Variants in SHANK2 observed in about 807,000 individuals in gnomAD.
SHANK2 encodes SH3 and multiple ankyrin repeat domains protein 2.
SHANK2 carries 43 observed loss-of-function variants against 133.7 expected under a neutral mutation model. The ratio of observed to expected loss-of-function variants is 0.32; its 90% CI spans 0.25 to 0.41. SHANK2 has a LOEUF of 0.41. Among genes scored for constraint, SHANK2 ranks in the 10% least tolerant of loss-of-function variants. SHANK2 has a pLI of 1.00. For synonymous variants in SHANK2, 1,017 were observed against 952.8 expected (o/e 1.07, Z -1.24); for missense variants, 1,994 against 2,235.8 (o/e 0.89, Z 2.18).
rs576396181 is a variant in SHANK2 at position 70,820,450 on chromosome 11, G to A, written c.1407C>T (p.Pro469=). The A allele has an allele frequency of 8.4e-5, 60 of 713,906 alleles. No individual in the cohort carries two copies. The highest frequency in any genetic ancestry group is 2.3e-4 in the Middle Eastern group (1 of 4,360). 44.2% of individuals were successfully genotyped at this position (713,906 alleles called of 1,614,324 possible). ...GCGATGGGGACCGGCTGCGGGGCCC[G>A]GGCACGTAGCTCCCAATGGTCTTCG... ...GAAKTIGSYV[P]GPRSRSPSLN... is the part of the protein sequence containing the mutation. The change falls in exon 12 of 26, where the codon CCC becomes CCT. Residue 469 remains proline (P), a synonymous_variant. Coordinates refer to ENST00000601538, the MANE Select transcript of SHANK2 (RefSeq NM_012309.5).
chr11:70,851,882 G>A (rs372627648), intron 11 of SHANK2, among the ~76,000 whole-genome samples: 164 of 152,256 alleles, frequency 1.1e-3, no homozygotes, highest in African/African-American at 3.4e-3. Context: ...AGAGCCTCCC[G>A]GCCCCCAGGC....
intron 2 of SHANK2, among the ~76,000 whole-genome samples, chr11:71,195,977 T>G (rs1555116137): frequency 6.6e-6 from 1 of 151,982 alleles, no homozygotes. Flanking sequence ...GGCCTAGGAG[T>G]TCGGGACCAG....
At chr11:71,124,287 T>C (rs1311401736) in intron 3 of SHANK2, among the ~76,000 whole-genome samples, 4 of 45,338 alleles carry the variant, frequency 8.8e-5, no homozygotes, top group African/African-American at 2.6e-4. Context: ...GTGATGATGA[T>C]GGTGATGGTG....
intron 3 of SHANK2, among the ~76,000 whole-genome samples, chr11:71,124,495 C>T (rs529169212): frequency 1.3e-5 from 2 of 151,820 alleles, no homozygotes; most frequent in South Asian, 4.2e-4. Flanking sequence ...TCACCTTCAC[C>T]ACAACCCTAA....
chr11:71,115,303 T>C (rs1951957758), intron 4 of SHANK2, among the ~76,000 whole-genome samples: 2 of 152,124 alleles, frequency 1.3e-5, no homozygotes, highest in South Asian at 4.2e-4. Context: ...AACCCATCTC[T>C]ACTAAAAATG....
At chr11:70,491,743 G>C (rs2058889464) in intron 22 of SHANK2, among the ~76,000 whole-genome samples, 1 of 152,226 alleles carries the variant, frequency 6.6e-6, no homozygotes, top group Admixed American at 6.5e-5. Context: ...GGACGTGCCT[G>C]GGGGAATCAG....
chr11:70,899,254 C>T lies in SHANK2; in HGVS notation c.1108-2687G>A, dbSNP rs12802615. Among the ~76,000 whole-genome samples, 327 of 152,214 alleles carry T rather than the reference C, an allele frequency of 2.1e-3. 2 individuals carry two copies. Among genetic ancestry groups the T allele is most frequent in the Middle Eastern group, 6.8e-3 (2 of 294 alleles). ...GGGGGTGGTTTCCCCGTGCTGTTCT[C>T]GTGATAGTGAGTGAGTTCTCATGAG... On this transcript the variant is annotated intron_variant, in intron 10 of 25. Coordinates refer to ENST00000601538, the MANE Select transcript of SHANK2 (RefSeq NM_012309.5).
chr11:71,231,602 T>TA (rs1555122957), intron 1 of SHANK2, among the ~76,000 whole-genome samples: 1 of 152,210 alleles, frequency 6.6e-6, no homozygotes, highest in African/African-American at 2.4e-5. Context: ...GACTTATGTT[T>TA]ACGGGCCAGG....
Position 70,487,841 on chromosome 11 carries a change from A to C in SHANK2, c.2573-121T>G, listed in dbSNP as rs1555154747. The C allele has an allele frequency of 3.9e-6, 6 of 1,537,048 alleles. No homozygotes were observed. Among genetic ancestry groups the C allele is most frequent in the Non-Finnish European group, 5.3e-6 (6 of 1,139,308 alleles). ...AATTCAGATGATGAACCGGATGTTC[A>C]GGAAACACAGCACAAGCCACGATGC... is the stretch of plus-strand genomic sequence containing the variant. On this transcript the variant is annotated intron_variant, in intron 24 of 25. Transcript: ENST00000601538. This position sits in a 1 kb window ranked among gnomAD's most constrained non-coding sequence, Gnocchi z 5.8.
chr11:71,226,670 C>T (rs1954649608), intron 1 of SHANK2: 1 of 151,864 alleles, frequency 6.6e-6, no homozygotes, highest in African/African-American at 2.4e-5. Context: ...CAAAAATATC[C>T]TGTAAGAATG....
intron 17 of SHANK2, among the ~76,000 whole-genome samples, chr11:70,602,662 A>G (rs1455851625): frequency 1.3e-5 from 2 of 152,196 alleles, no homozygotes; most frequent in African/African-American, 4.8e-5. Context: ...CATTTATCCC[A>G]CTGAATAGTT....
At chr11:70,812,679 C>T (rs1948304073) in intron 12 of SHANK2, among the ~76,000 whole-genome samples, 1 of 152,240 alleles carries the variant, frequency 6.6e-6, no homozygotes, top group Non-Finnish European at 1.5e-5. Flanking sequence ...CAGACCTCTG[C>T]AGCCCAGGGA....
chr11:71,193,700 G>C (rs1953840314), intron 2 of SHANK2, among the ~76,000 whole-genome samples: 1 of 152,188 alleles, frequency 6.6e-6, no homozygotes, highest in Non-Finnish European at 1.5e-5. Flanking sequence ...AAAGTGCACA[G>C]ACCAGGCACC....
Position 71,154,552 on chromosome 11 carries a change from CA to C in SHANK2, c.-12-7215del, listed in dbSNP as rs540555563. On this transcript the variant is annotated intron_variant, in intron 2 of 25. Coordinates refer to ENST00000601538, the MANE Select transcript of SHANK2 (RefSeq NM_012309.5). ...CATCAGCTGAGAAGGAGCTAGAACA[CA>C]ACACATGGGGGCCCTGGCCAAGGGG... 1.3e-3 allele frequency among the ~76,000 whole-genome samples: 200 copies of C among 152,340 alleles called. 1 individual carries two copies. The highest frequency in any genetic ancestry group is 4.6e-3 in the African/African-American group (191 of 41,574).
At chr11:70,571,047 C>T (rs1253459405) in intron 17 of SHANK2, among the ~76,000 whole-genome samples, 2 of 152,186 alleles carry the variant, frequency 1.3e-5, no homozygotes, top group Non-Finnish European at 2.9e-5. Flanking sequence ...CAGAAAACCA[C>T]AGCAGCTGGG....
At chr11:70,731,403 TC>T (rs1310751646) in intron 14 of SHANK2, among the ~76,000 whole-genome samples, 1 of 152,192 alleles carries the variant, frequency 6.6e-6, no homozygotes, top group African/African-American at 2.4e-5. Flanking sequence ...ACTGACATAC[TC>T]CCCGCTCCTT....
At chr11:71,069,546 T>C (rs1056038791) in intron 9 of SHANK2, among the ~76,000 whole-genome samples, 8 of 152,216 alleles carry the variant, frequency 5.3e-5, no homozygotes, top group Non-Finnish European at 1.2e-4. Flanking sequence ...AGCCACTATT[T>C]ACTGAGCATC....
intron 14 of SHANK2, among the ~76,000 whole-genome samples, chr11:70,732,624 C>T (rs955072266): frequency 1.3e-5 from 2 of 152,222 alleles, no homozygotes; most frequent in African/African-American, 4.8e-5. Flanking sequence ...TCCCCAAGCA[C>T]AAGTCCATTC....
intron 15 of SHANK2, among the ~76,000 whole-genome samples, chr11:70,687,611 G>A (rs1421705743): frequency 1.3e-5 from 2 of 151,728 alleles, no homozygotes; most frequent in Admixed American, 1.3e-4. Context: ...GGTGGGCGGG[G>A]GCGGTGTGGA....
Sources: allele counts gnomAD v4.1 joint callset (sites outside exome capture counted in the v4.1 genomes callset), GRCh38; gene constraint gnomAD v4.1.1; non-coding constraint Gnocchi (gnomAD v3.1); transcripts MANE v1.5; gene names NCBI Gene and HGNC (gene_info 2026-07-23, HGNC 2026-07-21).